The following ELAVL1 variants were observed in gnomAD, a reference collection of about 807,000 sequenced individuals.
ELAVL1 encodes ELAV-like protein 1.
A neutral mutation model predicts 28.4 loss-of-function variants in ELAVL1; 1 was observed. The ratio of observed to expected loss-of-function variants is 0.04; its 90% confidence interval spans 0.01 to 0.17. ELAVL1 has a LOEUF of 0.17. Among genes scored for constraint, ELAVL1 ranks in the 10% least tolerant of loss-of-function variants. The pLI, the probability that ELAVL1 is intolerant of heterozygous loss-of-function variation, is 1.00. For synonymous variants in ELAVL1, 174 were observed against 183.5 expected (o/e 0.95, Z 0.42); for missense variants, 157 against 447.2 (o/e 0.35, Z 5.85).
intron 1 of ELAVL1, among the ~76,000 whole-genome samples, chr19:7,996,562 T>C (rs1324953343): frequency 6.6e-6 from 1 of 150,534 alleles, no homozygotes; most frequent in Non-Finnish European, 1.5e-5. Context: ...TTCCAGCACT[T>C]TGGGAGGCCG....
At chr19:7,969,168 A>G (rs750171361) in intron 4 of ELAVL1, among the ~76,000 whole-genome samples, 32 of 152,190 alleles carry the variant, frequency 2.1e-4, no homozygotes, top group Admixed American at 5.2e-4. Context: ...GGAGTTCAAG[A>G]CCAGCCTGGA....
chr19:7,983,001 G>C (rs1985502221), intron 2 of ELAVL1, among the ~76,000 whole-genome samples: 1 of 152,170 alleles, frequency 6.6e-6, no homozygotes, highest in Non-Finnish European at 1.5e-5. Context: ...AGGTTTCTTG[G>C]CTGTAAAGTG....
Position 7,981,020 on chromosome 19 carries a change from G to A in ELAVL1, c.276+63C>T, listed in dbSNP as rs1218978098. ...TTGGAGAGTGACTGTGAGGCTGGGC[G>A]GGGCTCAGCACAGACCTGTGCCCAG... On this transcript the variant is annotated intron_variant, in intron 3 of 5. Coordinates refer to ENST00000407627, the MANE Select transcript of ELAVL1 (RefSeq NM_001419.3). The surrounding 1 kb of genome is among the most constrained non-coding windows in gnomAD (Gnocchi z 4.2). The A allele has an allele frequency of 2.1e-5, 32 of 1,512,480 alleles. 1 individual carries two copies. In the East Asian group the frequency reaches 2.3e-4, roughly 11 times the overall value. 93.7% of individuals were successfully genotyped at this position (1,512,480 alleles called of 1,614,324 possible). A position where few individuals can be genotyped will look rare whatever the true frequency, so the allele number is the denominator to read the frequency against.
intron 4 of ELAVL1, 37 bp from the exon 5 acceptor site, chr19:7,967,827 A>C: frequency 6.3e-7 from 1 of 1,599,812 alleles, no homozygotes; most frequent in South Asian, 1.1e-5. Context: ...GTTAGGGGGA[A>C]AAACGCTAGG....
chr19:7,977,390 G>A (rs1173039985), intron 3 of ELAVL1, among the ~76,000 whole-genome samples: 1 of 152,196 alleles, frequency 6.6e-6, no homozygotes, highest in Non-Finnish European at 1.5e-5. Flanking sequence ...TCTTCAACCC[G>A]AATCTGGGGA....
chr19:7,985,055 G>A (rs1985564362), intron 2 of ELAVL1, among the ~76,000 whole-genome samples: 1 of 152,184 alleles, frequency 6.6e-6, no homozygotes, highest in Non-Finnish European at 1.5e-5. Context: ...AAGTAGCTGG[G>A]ACTAGAGGGG....
chr19:7,986,258 C>T (rs1431818243), intron 2 of ELAVL1, among the ~76,000 whole-genome samples: 1 of 152,222 alleles, frequency 6.6e-6, no homozygotes, highest in African/African-American at 2.4e-5. Flanking sequence ...CGTGAGTTCT[C>T]TCTTTAAAGG....
intron 2 of ELAVL1, among the ~76,000 whole-genome samples, chr19:7,990,220 C>T (rs1054926593): frequency 5.9e-5 from 9 of 152,124 alleles, no homozygotes; most frequent in Admixed American, 1.3e-4. Context: ...CAGGGTTTCA[C>T]CATGTTGGCC....
chr19:7,986,794 T>A (rs941381791), intron 2 of ELAVL1, among the ~76,000 whole-genome samples: 4 of 152,154 alleles, frequency 2.6e-5, no homozygotes, highest in Admixed American at 2.6e-4. Flanking sequence ...AATGTCCAGA[T>A]ACAGGAAGGG....
intron 1 of ELAVL1, among the ~76,000 whole-genome samples, chr19:8,000,620 G>C (rs1172123067): frequency 6.6e-6 from 1 of 152,140 alleles, no homozygotes; most frequent in Non-Finnish European, 1.5e-5. Context: ...AGGTAAAAAA[G>C]GCTTAGGTCA....
Position 7,960,767 on chromosome 19 carries a change from A to G in ELAVL1, c.*2716T>C, listed in dbSNP as rs1984784169. The G allele has an allele frequency of 6.6e-6, 1 of 152,608 alleles. No individual in the cohort carries two copies. The highest frequency in any genetic ancestry group is 2.1e-4 in the South Asian group (1 of 4,836). 9.5% of individuals were successfully genotyped at this position (152,608 alleles called of 1,614,324 possible). A position where few individuals can be genotyped will look rare whatever the true frequency, so the allele number is the denominator to read the frequency against. On this transcript the variant is annotated 3_prime_UTR_variant, in exon 6 of 6. Transcript: ENST00000407627. ...CAGAGCACTCATTTTTGCTAAATAG[A>G]AATACAACTGATCTATGTAAAATTT...
intron 2 of ELAVL1, among the ~76,000 whole-genome samples, chr19:7,983,997 C>T (rs916958702): frequency 1.3e-5 from 2 of 152,128 alleles, no homozygotes; most frequent in African/African-American, 4.8e-5. Context: ...TCCTCAGGCT[C>T]CTCACTCCCT....
intron 3 of ELAVL1, among the ~76,000 whole-genome samples, chr19:7,974,613 G>C (rs1985227291): frequency 6.6e-6 from 1 of 152,142 alleles, no homozygotes; most frequent in African/African-American, 2.4e-5. Flanking sequence ...GACCACAGTG[G>C]AACCCCTCTG....
chr19:8,001,634 ATT>A (rs1555713706), intron 1 of ELAVL1, among the ~76,000 whole-genome samples: 3 of 139,066 alleles, frequency 2.2e-5, no homozygotes, highest in Non-Finnish European at 3.2e-5. Flanking sequence ...CTTAAAAAAA[ATT>A]TTTTTTTTTT....
intron 1 of ELAVL1, among the ~76,000 whole-genome samples, chr19:8,002,560 C>T (rs1222366395): frequency 6.6e-6 from 1 of 152,230 alleles, no homozygotes; most frequent in Non-Finnish European, 1.5e-5. Context: ...GCTACTGCCA[C>T]CTAGGGGCGC....
intron 2 of ELAVL1, among the ~76,000 whole-genome samples, chr19:7,989,642 G>A (rs752492449): frequency 6.6e-6 from 1 of 152,252 alleles, no homozygotes; most frequent in Non-Finnish European, 1.5e-5. Context: ...GGAAAAAGGT[G>A]AGAATTGTTA....
At chr19:8,000,355 G>C (rs917256228) in intron 1 of ELAVL1, among the ~76,000 whole-genome samples, 1 of 152,176 alleles carries the variant, frequency 6.6e-6, no homozygotes, top group Non-Finnish European at 1.5e-5. Flanking sequence ...GCATATCCAG[G>C]GGAGAGAGAT....
At chr19:7,970,097 C>T (rs374338933) in intron 4 of ELAVL1, among the ~76,000 whole-genome samples, 3 of 152,212 alleles carry the variant, frequency 2.0e-5, no homozygotes, top group African/African-American at 4.8e-5. Flanking sequence ...TTCAGCCTCC[C>T]GAGTAGGTGG....
At chr19:7,966,189 A>T (rs532751377) in intron 5 of ELAVL1, among the ~76,000 whole-genome samples, 33 of 152,278 alleles carry the variant, frequency 2.2e-4, no homozygotes, top group African/African-American at 7.7e-4. Context: ...AACATTAAAA[A>T]TTAAAAAAAA....
Sources: allele counts gnomAD v4.1 joint callset (sites outside exome capture counted in the v4.1 genomes callset), GRCh38; gene constraint gnomAD v4.1.1; non-coding constraint Gnocchi (gnomAD v3.1); transcripts MANE v1.5; gene names NCBI Gene and HGNC (gene_info 2026-07-23, HGNC 2026-07-21).